The following NFE2L2 variants were observed in gnomAD, a reference collection of about 807,000 sequenced individuals.
NFE2L2 encodes the protein nuclear factor erythroid 2-related factor 2.
A neutral mutation model predicts 49.6 loss-of-function variants in NFE2L2; 20 were observed. That is an observed-to-expected ratio of 0.40 (90% CI 0.28 to 0.59). The LOEUF (loss-of-function observed/expected upper bound fraction) is 0.59, where lower values mean the gene tolerates loss of function less well. Ranked by LOEUF, NFE2L2 falls within the 20% of genes least tolerant of loss-of-function variation. The probability of loss-of-function intolerance (pLI) is 0.40; values close to 1 mark genes in which losing one functional copy is unlikely to be tolerated. For synonymous variants in NFE2L2, 244 were observed against 256.5 expected (o/e 0.95, Z 0.47); for missense variants, 578 against 714.2 (o/e 0.81, Z 2.17).
intron 1 of NFE2L2, among the ~76,000 whole-genome samples, chr2:177,252,031 A>G (rs1690361506): frequency 6.7e-6 from 1 of 150,352 alleles, no homozygotes; most frequent in South Asian, 2.1e-4. Context: ...ATTTTTTTCA[A>G]GAAGAAATGG....
At chr2:177,250,561 C>T (rs1444911284) in intron 1 of NFE2L2, among the ~76,000 whole-genome samples, 2 of 152,244 alleles carry the variant, frequency 1.3e-5, no homozygotes, top group African/African-American at 4.8e-5. Context: ...CATATGCACA[C>T]CAATCCACCC....
chr2:177,237,480 C>A (rs1190539768), intron 1 of NFE2L2, among the ~76,000 whole-genome samples: 1 of 152,214 alleles, frequency 6.6e-6, no homozygotes, highest in African/African-American at 2.4e-5. Flanking sequence ...CAAAGGTTAT[C>A]ATGGGAGACA....
At chr2:177,260,516 G>A (rs1690694402) in intron 1 of NFE2L2, among the ~76,000 whole-genome samples, 1 of 152,192 alleles carries the variant, frequency 6.6e-6, no homozygotes, top group Non-Finnish European at 1.5e-5. Flanking sequence ...TAAGAGTTGA[G>A]CCCTTATGCT....
In NFE2L2 at chr2:177,245,615, C is replaced by CT. The variant is rs112067562; in HGVS notation, c.46-11345dup. 7.6e-3 allele frequency among the ~76,000 whole-genome samples: 1,099 copies of CT among 144,920 alleles called. 6 individuals carry two copies. Among genetic ancestry groups the CT allele is most frequent in the Middle Eastern group, 0.015 (4 of 272 alleles). ...AGGGAGTTGGGCCAGGTATTGTAGT[C>CT]TTTTTTTTTTTTGAGACAGAGTCTC... On this transcript the variant is annotated intron_variant, in intron 1 of 4. Transcript: ENST00000397062.
chr2:177,256,331 G>A (rs755916293), intron 1 of NFE2L2, among the ~76,000 whole-genome samples: 4 of 152,000 alleles, frequency 2.6e-5, no homozygotes, highest in African/African-American at 7.3e-5. Context: ...AATTTTATGC[G>A]GAAGCAGAGC....
At chr2:177,257,247 C>A (rs976999000) in intron 1 of NFE2L2, among the ~76,000 whole-genome samples, 4 of 152,342 alleles carry the variant, frequency 2.6e-5, no homozygotes, top group Non-Finnish European at 5.9e-5. Context: ...ATGTTCAACA[C>A]CTATCCCAAG....
chr2:177,263,227 A>G (rs1690802886), intron 1 of NFE2L2, among the ~76,000 whole-genome samples: 1 of 152,288 alleles, frequency 6.6e-6, no homozygotes, highest in Non-Finnish European at 1.5e-5. Flanking sequence ...TTGAAACGCA[A>G]GCGTTCCACT....
intron 1 of NFE2L2, among the ~76,000 whole-genome samples, chr2:177,246,792 T>TG (rs1690148997): frequency 1.4e-5 from 2 of 146,440 alleles, no homozygotes; most frequent in South Asian, 2.1e-4. Flanking sequence ...TTTTTTTTTT[T>TG]GTACAGACAG....
rs2105455309 is a variant in NFE2L2 at position 177,232,476 on chromosome 2, A to G, written c.510T>C (p.Ala170=). 6.2e-7 allele frequency: 1 copy of G among 1,614,168 alleles called. No individual in the cohort carries two copies. The change falls in exon 4 of 5, where the codon GCT becomes GCC. Residue 170 remains alanine (A), a synonymous_variant. Coordinates refer to ENST00000397062, the MANE Select transcript of NFE2L2 (RefSeq NM_006164.5). Reference sequence around the variant, plus strand: ...CGTCTAAATCAACAGGGGCTACCTGAGCAACAGAAGTTTCAGGTGACTGAG... The same window carrying G: ...CGTCTAAATCAACAGGGGCTACCTGGGCAACAGAAGTTTCAGGTGACTGAG... ...NQAQSPETSV[A]QVAPVDLDGM...
Position 177,231,699 on chromosome 2 carries a change from G to C in NFE2L2, c.904C>G (p.Pro302Ala). ...GAGAGTGAATGGCTTAAAGTAGCAGGTGAGGGCATGCTGTTGCTGATACTG... is the reference window on the plus strand; with the variant it reads ...GAGAGTGAATGGCTTAAAGTAGCAGCTGAGGGCATGCTGTTGCTGATACTG... Reference protein sequence around the residue: ...EPSISNSMPSPATLSHSLSEL... With the variant: ...EPSISNSMPSAATLSHSLSEL... Residue 302 changes from proline to alanine, a missense_variant, in exon 5 of 5, where the codon CCT becomes GCT. By Grantham distance (27) the Pro-to-Ala change is conservative. Coordinates refer to ENST00000397062, the MANE Select transcript of NFE2L2 (RefSeq NM_006164.5). 6.2e-7 allele frequency: 1 copy of C among 1,614,192 alleles called. No individual in the cohort carries two copies. Among genetic ancestry groups the C allele is most frequent in the Non-Finnish European group, 8.5e-7 (1 of 1,180,028 alleles).
chr2:177,245,515 T>C (rs1690092375), intron 1 of NFE2L2, among the ~76,000 whole-genome samples: 1 of 152,170 alleles, frequency 6.6e-6, no homozygotes, highest in Admixed American at 6.5e-5. Flanking sequence ...CTATTACACC[T>C]GGTGTTTGCA....
At chr2:177,236,571 A>C (rs1689758431) in intron 1 of NFE2L2, among the ~76,000 whole-genome samples, 1 of 152,238 alleles carries the variant, frequency 6.6e-6, no homozygotes, top group South Asian at 2.1e-4. Flanking sequence ...ACAGTATAAG[A>C]ATACTGAGGT....
chr2:177,253,647 T>A (rs1445179116), intron 1 of NFE2L2, among the ~76,000 whole-genome samples: 1 of 152,206 alleles, frequency 6.6e-6, no homozygotes, highest in African/African-American at 2.4e-5. Context: ...TCAAATTACT[T>A]AAGTAACAAA....
chr2:177,235,871 C>G (rs1689732428), intron 1 of NFE2L2, among the ~76,000 whole-genome samples: 1 of 152,154 alleles, frequency 6.6e-6, no homozygotes, highest in Non-Finnish European at 1.5e-5. Flanking sequence ...CTAGGCTAGG[C>G]ATAGGAACCA....
At chr2:177,244,587 G>A (rs915932050) in intron 1 of NFE2L2, among the ~76,000 whole-genome samples, 10 of 152,298 alleles carry the variant, frequency 6.6e-5, no homozygotes, top group African/African-American at 2.4e-4. Context: ...GCCACAAAGT[G>A]TATAACTGGC....
intron 1 of NFE2L2, among the ~76,000 whole-genome samples, chr2:177,235,216 A>C (rs528687460): frequency 3.9e-5 from 6 of 152,122 alleles, no homozygotes; most frequent in East Asian, 1.9e-4. Flanking sequence ...GCTTGAGCCC[A>C]GGAGTTCGCG....
At chr2:177,248,063 CAACT>C (rs1159342097) in intron 1 of NFE2L2, among the ~76,000 whole-genome samples, 2 of 152,142 alleles carry the variant, frequency 1.3e-5, no homozygotes, top group South Asian at 2.1e-4. Flanking sequence ...TTAGAACAAC[CAACT>C]GACTAAGGAG....
intron 1 of NFE2L2, among the ~76,000 whole-genome samples, chr2:177,245,421 G>T (rs1411676637): frequency 6.6e-6 from 1 of 152,148 alleles, no homozygotes; most frequent in Non-Finnish European, 1.5e-5. Context: ...TTGGCAGAGG[G>T]AAAAGATCTT....
rs1025560203 is a variant in NFE2L2, at chr2:177,262,948, TTTAA to T, written c.45+1580_45+1583del. On this transcript the variant is annotated intron_variant, in intron 1 of 4. Transcript: ENST00000397062. ...TGGGGAAAAGTTCAAGACAAACAAC[TTTAA>T]AGGGGGAAAAAAGCACAATTAATAC... Among the ~76,000 whole-genome samples, 13 of 152,232 alleles carry T rather than the reference TTTAA, an allele frequency of 8.5e-5. No homozygotes were observed. The Middle Eastern group carries it at 0.01, about 119-fold the overall frequency.
Sources: gnomAD v4.1 joint callset for allele counts (sites outside exome capture counted in the v4.1 genomes callset) on GRCh38, gnomAD v4.1.1 for gene constraint, MANE v1.5 for transcripts, NCBI Gene and HGNC (gene_info 2026-07-23, HGNC 2026-07-21) for gene names.